Variants in ATG7 observed in about 807,000 individuals in gnomAD.
The protein encoded by ATG7 is autophagy related 7.
In ATG7, 70 loss-of-function variants were observed where a neutral mutation model predicts 82.4. That is an observed-to-expected ratio of 0.85 (90% confidence interval 0.70 to 1.04). The LOEUF (loss-of-function observed/expected upper bound fraction) is 1.04. ATG7 is among the 50% of genes least tolerant of loss of function. The probability of loss-of-function intolerance (pLI) is 0.00; values close to 1 mark genes in which losing one functional copy is unlikely to be tolerated. For synonymous variants in ATG7, 287 were observed against 313.0 expected (o/e 0.92, Z 0.88); for missense variants, 792 against 864.3 (o/e 0.92, Z 1.05).
chr3:11,510,937 C>T (rs961324389), intron 20 of ATG7, among the ~76,000 whole-genome samples: 2 of 152,228 alleles, frequency 1.3e-5, no homozygotes, highest in South Asian at 2.1e-4. Context: ...CGGACCCTCG[C>T]GGTGAGTGTT....
chr3:11,413,701 T>C (rs1374975553), intron 19 of ATG7, among the ~76,000 whole-genome samples: 2 of 152,260 alleles, frequency 1.3e-5, no homozygotes, highest in Non-Finnish European at 2.9e-5. Flanking sequence ...GGTTTTCTCA[T>C]AGTGCCTTTG....
chr3:11,468,229 T>C (rs2087035267), intron 20 of ATG7, among the ~76,000 whole-genome samples: 1 of 152,222 alleles, frequency 6.6e-6, no homozygotes, highest in Non-Finnish European at 1.5e-5. Flanking sequence ...AAATTATTTT[T>C]ACCATTTGGA....
At position 11,372,851 on chromosome 3, in the gene ATG7, C is replaced by CGTGTGT. The variant is rs10666472; in HGVS notation, c.1876-7113_1876-7108dup. Among the ~76,000 whole-genome samples, 213 of 83,344 alleles carry CGTGTGT rather than the reference C, an allele frequency of 2.6e-3. 6 individuals are homozygous for CGTGTGT. Among genetic ancestry groups the CGTGTGT allele is most frequent in the African/African-American group, 5.2e-3 (172 of 32,930 alleles). The allele number at this position is 83,344 out of a possible 152,430, so 54.7% of individuals were successfully genotyped here. A position where few individuals can be genotyped will look rare whatever the true frequency, so the allele number is the denominator to read the frequency against. On this transcript the variant is annotated intron_variant, in intron 18 of 20. Coordinates refer to ENST00000693202, the MANE Select transcript of ATG7 (RefSeq NM_001349232.2). Reference sequence around the variant, plus strand: ...GCGTGTGTGTGCGTGCGTGCGTGTGCGTGTGTGTGTGTGAAATCGGCCATG... The same window carrying CGTGTGT: ...GCGTGTGTGTGCGTGCGTGCGTGTGCGTGTGTGTGTGTGTGTGTGAAATCGGCCATG...
chr3:11,442,354 C>G (rs2084060782), intron 20 of ATG7, among the ~76,000 whole-genome samples: 1 of 152,104 alleles, frequency 6.6e-6, no homozygotes, highest in Non-Finnish European at 1.5e-5. Context: ...AATGCCTACT[C>G]CACAAAGTTG....
At chr3:11,390,284 A>G (rs1484159477) in intron 19 of ATG7, among the ~76,000 whole-genome samples, 1 of 152,256 alleles carries the variant, frequency 6.6e-6, no homozygotes, top group Non-Finnish European at 1.5e-5. Context: ...TTAAAAAGTG[A>G]GTGCAAAATG....
At chr3:11,435,011 C>T (rs2083248496) in intron 20 of ATG7, among the ~76,000 whole-genome samples, 1 of 151,842 alleles carries the variant, frequency 6.6e-6, no homozygotes, top group Admixed American at 6.6e-5. Context: ...TTTAAGCCTC[C>T]TTTCTAGAAA....
intron 20 of ATG7, among the ~76,000 whole-genome samples, chr3:11,440,710 T>G (rs1169543356): frequency 1.0e-5 from 1 of 96,068 alleles, no homozygotes; most frequent in Non-Finnish European, 2.0e-5. Context: ...TGAGACGGAC[T>G]TTCGCTCTTG....
At chr3:11,483,184 G>A (rs900115315) in intron 20 of ATG7, among the ~76,000 whole-genome samples, 20 of 152,046 alleles carry the variant, frequency 1.3e-4, no homozygotes, top group East Asian at 1.9e-4. Context: ...CATTCTCCCC[G>A]TCCCCCTGCC....
intron 20 of ATG7, among the ~76,000 whole-genome samples, chr3:11,448,179 T>C (rs2454509): frequency 0.85 from 129,873 of 152,222 alleles, 55,616 homozygotes; most frequent in East Asian, 1. Context: ...TTTGAAAAAA[T>C]TAGCTGCACA....
chr3:11,362,841 AGTGCACT>A lies in ATG7; in HGVS notation c.1716_1722del (p.Cys572Ter), dbSNP rs749809278. 16 of 1,612,848 alleles carry A rather than the reference AGTGCACT, an allele frequency of 9.9e-6. No individual in the cohort carries two copies. The highest frequency in any genetic ancestry group is 1.4e-5 in the Non-Finnish European group (16 of 1,179,184). On this transcript the variant is annotated frameshift_variant, in exon 17 of 21. Coordinates refer to ENST00000693202, the MANE Select transcript of ATG7 (RefSeq NM_001349232.2). LOFTEE classifies it high-confidence loss of function. The stretch of plus-strand genomic sequence containing the variant: ...ACCAGAGACCGGACCTTGGACCAGC[AGTGCACT>A]GTGAGTCGTCCAGGACTGGCCGTGA...
chr3:11,437,725 C>T (rs1390242376), intron 20 of ATG7, among the ~76,000 whole-genome samples: 2 of 152,152 alleles, frequency 1.3e-5, no homozygotes, highest in Non-Finnish European at 2.9e-5. Context: ...TGCACTCCCC[C>T]GACGTCTTAT....
intron 11 of ATG7, among the ~76,000 whole-genome samples, chr3:11,335,697 A>G (rs866609920): frequency 2.0e-5 from 3 of 151,662 alleles, no homozygotes; most frequent in African/African-American, 7.3e-5. Context: ...TGATGCTGAC[A>G]TTTTTTTTGC....
intron 20 of ATG7, among the ~76,000 whole-genome samples, chr3:11,552,958 G>A (rs1399168726): frequency 6.6e-6 from 1 of 152,192 alleles, no homozygotes; most frequent in Non-Finnish European, 1.5e-5. Flanking sequence ...CCCCGGCCCA[G>A]GCCCGAGTCC....
In ATG7 at chr3:11,385,054, G is replaced by A. The variant is rs182875590; in HGVS notation, c.1956+5002G>A. Among the ~76,000 whole-genome samples, 14 of 151,958 alleles carry A rather than the reference G, an allele frequency of 9.2e-5. No individual in the cohort carries two copies. The East Asian group carries it at 1.7e-3, about 19-fold the overall frequency. On this transcript the variant is annotated intron_variant, in intron 19 of 20. Coordinates refer to ENST00000693202, the MANE Select transcript of ATG7 (RefSeq NM_001349232.2). ...TTTGTTTGTTTGTTTGTTTTGGGAC[G>A]GAGTCTTGCTCACTTGCGAGGCTGG... is the stretch of plus-strand genomic sequence containing the variant.
chr3:11,299,369 T>C lies in ATG7; in HGVS notation c.168T>C (p.Ser56=), dbSNP rs1361137112. ...GATAATGCTTCTGTCCAGGTGACTC[T>C]GCTGGGCTGCCAGCTCGCTTAACAT... ...DIKGYYYNGD[S]AGLPARLTLE... The change falls in exon 5 of 21, where the codon TCT becomes TCC. Residue 56 remains serine, a synonymous_variant. Coordinates refer to ENST00000693202, the MANE Select transcript of ATG7 (RefSeq NM_001349232.2). The C allele has an allele frequency of 5.6e-6, 9 of 1,612,062 alleles. No individual in the cohort carries two copies. Among genetic ancestry groups the C allele is most frequent in the Non-Finnish European group, 7.6e-6 (9 of 1,178,118 alleles).
intron 19 of ATG7, among the ~76,000 whole-genome samples, chr3:11,418,314 T>C (rs752326723): frequency 6.0e-4 from 91 of 151,132 alleles, no homozygotes; most frequent in Non-Finnish European, 1.2e-3. Flanking sequence ...GTCTACAAAA[T>C]GTTGCCCAGG....
chr3:11,345,802 ACTGT>A (rs1338510961), intron 13 of ATG7, among the ~76,000 whole-genome samples: 3 of 151,958 alleles, frequency 2.0e-5, no homozygotes, highest in Non-Finnish European at 2.9e-5. Context: ...AATTTATTTT[ACTGT>A]CTTTTTCTAG....
At position 11,502,838 on chromosome 3, in the gene ATG7, C is replaced by A. The variant is rs190796638; in HGVS notation, c.2080-51973C>A. 7.9e-5 allele frequency among the ~76,000 whole-genome samples: 12 copies of A among 152,230 alleles called. No individual in the cohort carries two copies. The East Asian group carries it at 2.1e-3, about 27-fold the overall frequency. On this transcript the variant is annotated intron_variant, in intron 20 of 20. Transcript: ENST00000693202. ...TGAACTTCCTAAGAAGCAATTAGATCCCCAGGCCCCCACCTTAGCTTTTGT... is the reference window on the plus strand; with the variant it reads ...TGAACTTCCTAAGAAGCAATTAGATACCCAGGCCCCCACCTTAGCTTTTGT...
intron 19 of ATG7, among the ~76,000 whole-genome samples, chr3:11,397,721 TGCTGG>T (rs2152887875): frequency 1.1e-5 from 1 of 91,190 alleles, no homozygotes; most frequent in East Asian, 3.6e-4. Flanking sequence ...CCTCCCAGAG[TGCTGG>T]GATTACAGGC....
Sources: gnomAD v4.1 joint callset for allele counts (sites outside exome capture counted in the v4.1 genomes callset) on GRCh38, gnomAD v4.1.1 for gene constraint, MANE v1.5 for transcripts, NCBI Gene and HGNC (gene_info 2026-07-23, HGNC 2026-07-21) for gene names.